The following SAMTOR variants were observed in gnomAD, a reference collection of about 807,000 sequenced individuals.
SAMTOR encodes the protein UPF0532 protein C7orf60.
chr7:112,867,684 T>C, the SAMTOR span, among the ~76,000 whole-genome samples: 14 of 152,202 alleles, frequency 9.2e-5, no homozygotes, highest in Non-Finnish European at 1.3e-4. Flanking sequence ...GGAATAATAT[T>C]CTAAAAAGCA....
chr7:112,855,994 C>CA, the SAMTOR span, among the ~76,000 whole-genome samples: 2 of 151,902 alleles, frequency 1.3e-5, no homozygotes, highest in African/African-American at 4.8e-5. Context: ...TAGAGAGTGA[C>CA]ATGGAAATAC....
the SAMTOR span, among the ~76,000 whole-genome samples, chr7:112,866,330 T>C: frequency 1.3e-5 from 2 of 152,228 alleles, no homozygotes; most frequent in Non-Finnish European, 2.9e-5. Context: ...TTTTTCCATA[T>C]ACAGTTGCTC....
chr7:112,907,058 G>T, the SAMTOR span, among the ~76,000 whole-genome samples: 1 of 152,160 alleles, frequency 6.6e-6, no homozygotes, highest in African/African-American at 2.4e-5. Context: ...AGAATAGTGT[G>T]AGATGGGGGT....
chr7:112,874,924 A>G, the SAMTOR span, among the ~76,000 whole-genome samples: 1 of 152,156 alleles, frequency 6.6e-6, no homozygotes, highest in Non-Finnish European at 1.5e-5. Flanking sequence ...ATGGACCCTT[A>G]GGTCACATAA....
chr7:112,903,864 A>T, the SAMTOR span, among the ~76,000 whole-genome samples: 3 of 152,166 alleles, frequency 2.0e-5, no homozygotes, highest in East Asian at 5.8e-4. Context: ...TCATAATTCC[A>T]AGTTGTTTTT....
At chr7:112,930,203 C>T in the SAMTOR span, among the ~76,000 whole-genome samples, 1 of 152,078 alleles carries the variant, frequency 6.6e-6, no homozygotes, top group East Asian at 1.9e-4. Context: ...ACAAGTTCAG[C>T]TACCATTTCA....
the SAMTOR span, among the ~76,000 whole-genome samples, chr7:112,926,624 T>C: frequency 3.5e-4 from 53 of 152,294 alleles, no homozygotes; most frequent in Non-Finnish European, 7.2e-4. Flanking sequence ...AAGTGAAGTA[T>C]ACTTAAATAT....
the SAMTOR span, among the ~76,000 whole-genome samples, chr7:112,872,403 T>C: frequency 2.6e-5 from 4 of 151,670 alleles, no homozygotes; most frequent in Non-Finnish European, 5.9e-5. Context: ...GAAAAAGCAA[T>C]AGAAAAATCC....
the SAMTOR span, chr7:112,939,210 T>C: frequency 1.4e-5 from 3 of 215,134 alleles, no homozygotes; most frequent in African/African-American, 2.3e-5. Context: ...CTTTTACAAA[T>C]GGATTTTACC....
chr7:112,933,104 A>T, the SAMTOR span, among the ~76,000 whole-genome samples: 1 of 152,234 alleles, frequency 6.6e-6, no homozygotes, highest in Non-Finnish European at 1.5e-5. Context: ...AAGACAGAAT[A>T]GCTACGGTTA....
the SAMTOR span, among the ~76,000 whole-genome samples, chr7:112,922,557 C>G: frequency 6.6e-6 from 1 of 151,678 alleles, no homozygotes; most frequent in Non-Finnish European, 1.5e-5. Context: ...TGAGGAGTGT[C>G]TCTACCCAGC....
chr7:112,833,506 C>T, the SAMTOR span, among the ~76,000 whole-genome samples: 1 of 152,094 alleles, frequency 6.6e-6, no homozygotes, highest in Non-Finnish European at 1.5e-5. Context: ...TCATTGCTCA[C>T]TATTACCATG....
chr7:112,836,757 G>A, the SAMTOR span, among the ~76,000 whole-genome samples: 1 of 151,754 alleles, frequency 6.6e-6, no homozygotes, highest in African/African-American at 2.4e-5. Flanking sequence ...TCAGATGGTT[G>A]TAGGTTTTAT....
the SAMTOR span, among the ~76,000 whole-genome samples, chr7:112,902,416 C>CAAAAAAAAAAAAAAAAAAAAAAAAAA: frequency 6.5e-4 from 8 of 12,320 alleles, 1 homozygote; most frequent in East Asian, 4.1e-3. Flanking sequence ...AACTCCGTCT[C>CAAAAAAAAAAAAAAAAAAAAAAAAAA]AAAAAAAAAA....
the SAMTOR span, among the ~76,000 whole-genome samples, chr7:112,855,127 T>C: frequency 2.6e-5 from 4 of 152,200 alleles, no homozygotes; most frequent in African/African-American, 9.7e-5. Context: ...ATAAGTGATT[T>C]CAGATGGGAT....
chr7:112,826,080 A>T, the SAMTOR span, among the ~76,000 whole-genome samples: 1 of 152,094 alleles, frequency 6.6e-6, no homozygotes, highest in Non-Finnish European at 1.5e-5. Flanking sequence ...ATTTGCTGAA[A>T]TTTTGTATAG....
the SAMTOR span, among the ~76,000 whole-genome samples, chr7:112,881,130 G>A: frequency 6.6e-6 from 1 of 152,212 alleles, no homozygotes; most frequent in Non-Finnish European, 1.5e-5. Context: ...GCAAAGTTGT[G>A]GGCCGAGTCC....
chr7:112,862,418 G>A, the SAMTOR span, among the ~76,000 whole-genome samples: 2 of 152,052 alleles, frequency 1.3e-5, no homozygotes, highest in East Asian at 1.9e-4. Context: ...TTGGGCATTC[G>A]GAAATTAACT....
the SAMTOR span, among the ~76,000 whole-genome samples, chr7:112,928,148 C>A: frequency 3.3e-5 from 5 of 151,918 alleles, no homozygotes; most frequent in Admixed American, 1.3e-4. Flanking sequence ...TGTAAAAAAA[C>A]AAGTACAAGG....
Sources: gnomAD v4.1 joint callset for allele counts (sites outside exome capture counted in the v4.1 genomes callset) on GRCh38, gnomAD v4.1.1 for gene constraint, MANE v1.5 for transcripts, NCBI Gene and HGNC (gene_info 2026-07-23, HGNC 2026-07-21) for gene names.